Variants in PPP1R1B observed in about 807,000 individuals in gnomAD.
PPP1R1B encodes protein phosphatase 1 regulatory subunit 1B.
Under a neutral mutation model 28.2 loss-of-function variants are expected in PPP1R1B, and 13 were observed. The ratio of observed to expected loss-of-function variants is 0.46; its 90% CI spans 0.30 to 0.73. The LOEUF is 0.73. Among genes scored for constraint, PPP1R1B ranks in the 30% least tolerant of loss-of-function variants. PPP1R1B has a pLI of 0.07. For missense variants in PPP1R1B, 236 were observed against 256.7 expected (o/e 0.92, Z 0.55); for synonymous variants, 102 against 97.5 (o/e 1.05, Z -0.27).
Position 39,627,093 on chromosome 17 carries a change from C to T in PPP1R1B, c.-300C>T. The T allele has an allele frequency of 2.5e-6, 1 of 407,144 alleles. No homozygotes were observed. Among genetic ancestry groups the T allele is most frequent in the Non-Finnish European group, 4.4e-6 (1 of 229,318 alleles). 25.2% of individuals were successfully genotyped at this position (407,144 alleles called of 1,614,324 possible). On this transcript the variant is annotated 5_prime_UTR_variant, in exon 1 of 7. Coordinates refer to ENST00000254079, the MANE Select transcript of PPP1R1B (RefSeq NM_032192.4). ...GCAGAGACACTCAGGAGGGGAGAGA[C>T]ACCGAGACGCAGAGACACCCAGGCC...
intron 1 of PPP1R1B, chr17:39,628,518 T>C: frequency 1.0e-6 from 1 of 985,550 alleles, no homozygotes; most frequent in South Asian, 4.7e-5. Context: ...TCACAAGGAC[T>C]GGGTGAAGAG....
At position 39,633,967 on chromosome 17, in the gene PPP1R1B, G is replaced by GTTATCCAA. The variant is rs1344810303; in HGVS notation, c.326_327insTTATCCAA (p.Glu110TyrfsTer36). ...GCCTCAGAGGAGGAGGATGAGCTGG[G>GTTATCCAA]GGAGCTTCGGGAGCTGGGTTATCCA... is the stretch of plus-strand genomic sequence containing the variant. On this transcript the variant is annotated frameshift_variant, in exon 5 of 7. Transcript: ENST00000254079. LOFTEE classifies it high-confidence loss of function. 1 of 1,613,798 alleles carries GTTATCCAA rather than the reference G, an allele frequency of 6.2e-7. No homozygotes were observed. The highest frequency in any genetic ancestry group is 8.5e-7 in the Non-Finnish European group (1 of 1,179,920).
In PPP1R1B at chr17:39,633,954, G is replaced by A. The variant is rs747247652; in HGVS notation, c.313G>A (p.Glu105Lys). The change falls in exon 5 of 7, where the codon GAG becomes AAG. Residue 105 changes from glutamate (E) to lysine (K), a missense_variant. Transcript: ENST00000254079. ...NLNENQASEE[E>K]DELGELRELG... ...GAATGAGAACCAGGCCTCAGAGGAG[G>A]AGGATGAGCTGGGGGAGCTTCGGGA... 3.1e-6 allele frequency: 5 copies of A among 1,613,846 alleles called. No individual in the cohort carries two copies. The highest frequency in any genetic ancestry group is 1.1e-5 in the South Asian group (1 of 91,082).
In PPP1R1B at chr17:39,636,118, T is replaced by A. The variant is rs766190482; in HGVS notation, c.*253T>A. The A allele has an allele frequency of 2.2e-5, 12 of 545,120 alleles. No homozygotes were observed. Among genetic ancestry groups the A allele is most frequent in the Non-Finnish European group, 3.6e-5 (11 of 303,216 alleles). The allele number at this position is 545,120 out of a possible 1,614,324, so 33.8% of individuals were successfully genotyped here. Reference sequence around the variant, plus strand: ...TCCATTCACCCAGCGGGAGGTGGGATGTGAGACAGCCCACATTGGAAAATC... The same window carrying A: ...TCCATTCACCCAGCGGGAGGTGGGAAGTGAGACAGCCCACATTGGAAAATC... On this transcript the variant is annotated 3_prime_UTR_variant, in exon 7 of 7. Coordinates refer to ENST00000254079, the MANE Select transcript of PPP1R1B (RefSeq NM_032192.4).
At chr17:39,629,348 T>C in intron 2 of PPP1R1B, 118 bp downstream of exon 2, 1 of 1,296,920 alleles carries the variant, frequency 7.7e-7, no homozygotes, top group Non-Finnish European at 1.1e-6. Context: ...GTGGATAAGG[T>C]CTGGGAACCC....
At chr17:39,630,663 C>T (rs114974040) in intron 4 of PPP1R1B, among the ~76,000 whole-genome samples, 214 of 152,334 alleles carry the variant, frequency 1.4e-3, no homozygotes, top group African/African-American at 5.0e-3. Flanking sequence ...GTGGCTCACA[C>T]CTGAAATCCC....
At chr17:39,629,815 C>T (rs535384675) in intron 3 of PPP1R1B, 157 bp from the exon 4 acceptor site, 24 of 904,816 alleles carry the variant, frequency 2.7e-5, no homozygotes, top group Non-Finnish European at 3.6e-5. Flanking sequence ...GGGGGCCCCC[C>T]CTAAAGCCAC....
intron 1 of PPP1R1B, among the ~76,000 whole-genome samples, chr17:39,627,846 C>G (rs750065710): frequency 9.9e-5 from 15 of 152,174 alleles, no homozygotes; most frequent in Non-Finnish European, 1.0e-4. Context: ...CCGCCTGGCT[C>G]TGTCCCAGAG....
chr17:39,628,988 G>A (rs1359659004), intron 1 of PPP1R1B, among the ~76,000 whole-genome samples, 182 bp from the exon 2 acceptor site: 5 of 152,190 alleles, frequency 3.3e-5, no homozygotes. Flanking sequence ...ATCTCTCTGA[G>A]CCCTGCTTTT....
At chr17:39,631,072 GA>G (rs796937092) in intron 4 of PPP1R1B, among the ~76,000 whole-genome samples, 2,784 of 139,108 alleles carry the variant, frequency 0.02, 90 homozygotes, top group African/African-American at 0.065. Flanking sequence ...TCTGTCTCAA[GA>G]AAAAAAAAAA....
At chr17:39,632,897 CT>C (rs1280462115) in intron 4 of PPP1R1B, 9 of 151,124 alleles carry the variant, frequency 6.0e-5, no homozygotes, top group Admixed American at 5.2e-4. Context: ...CAAGAAGGAA[CT>C]GCAGCAACTC....
chr17:39,628,865 T>C lies in PPP1R1B; in HGVS notation c.82-305T>C, dbSNP rs2056855269. On this transcript the variant is annotated intron_variant, in intron 1 of 6. Transcript: ENST00000254079. ...TGGTGGGAGAAGATAGGAAGGGAGA[T>C]GTCTGTTCTGGAGTAGCCATGGAGT... 5.3e-5 allele frequency among the ~76,000 whole-genome samples: 8 copies of C among 152,274 alleles called. No individual in the cohort carries two copies. The South Asian group carries it at 1.7e-3, about 32-fold the overall frequency.
chr17:39,627,923 C>T (rs1038983324), intron 1 of PPP1R1B, among the ~76,000 whole-genome samples: 7 of 152,226 alleles, frequency 4.6e-5, no homozygotes, highest in Admixed American at 1.3e-4. Flanking sequence ...AGGCTGCCAC[C>T]GGGTGAATCC....
intron 2 of PPP1R1B, 41 bp from the exon 3 acceptor site, chr17:39,629,499 C>T (rs754907182): frequency 1.4e-5 from 22 of 1,612,748 alleles, no homozygotes; most frequent in South Asian, 1.3e-4. Flanking sequence ...TTTTCCTCCT[C>T]GCTTGGTTCT....
At chr17:39,630,459 A>G in intron 4 of PPP1R1B, 1 of 223,380 alleles carries the variant, frequency 4.5e-6, no homozygotes, top group South Asian at 7.3e-5. Flanking sequence ...ATTTGCACAG[A>G]TCTGCACACT....
intron 4 of PPP1R1B, 34 bp downstream of exon 4, chr17:39,630,081 G>T: frequency 6.3e-7 from 1 of 1,596,832 alleles, no homozygotes; most frequent in African/African-American, 1.3e-5. Context: ...CTGGCTGTCC[G>T]CCTGATCCCT....
rs761020710 is a variant in PPP1R1B at position 39,635,911 on chromosome 17, G to T, written c.*46G>T. The T allele has an allele frequency of 2.2e-5, 35 of 1,601,034 alleles. No individual in the cohort carries two copies. Among genetic ancestry groups the T allele is most frequent in the Non-Finnish European group, 3.0e-5 (35 of 1,173,358 alleles). ...AGGAGGAAGTGGAGGGGACATCGCT[G>T]TTCCCCAGAAACCCACTCTATCCTC... is the stretch of plus-strand genomic sequence containing the variant. On this transcript the variant is annotated 3_prime_UTR_variant, in exon 7 of 7. Transcript: ENST00000254079.
intron 3 of PPP1R1B, 75 bp from the exon 4 acceptor site, chr17:39,629,897 G>T: frequency 7.0e-7 from 1 of 1,427,736 alleles, no homozygotes; most frequent in South Asian, 1.1e-5. Flanking sequence ...GGTGGCCATG[G>T]GTGGGATGGA....
chr17:39,629,176 C>A lies in PPP1R1B; in HGVS notation c.88C>A (p.Arg30Ser). 1.2e-6 allele frequency: 2 copies of A among 1,613,416 alleles called. No homozygotes were observed. Among genetic ancestry groups the A allele is most frequent in the South Asian group, 1.1e-5 (1 of 91,072 alleles). ...LDPRQVEMIR[R>S]RRPTPAMLFR... Reference sequence around the variant, plus strand: ...CCTCCCTCCATCTCCTTAGATCCGGCGCAGGAGACCAACGCCTGCCATGCT... The same window carrying A: ...CCTCCCTCCATCTCCTTAGATCCGGAGCAGGAGACCAACGCCTGCCATGCT... The change falls in exon 2 of 7, where the codon CGC becomes AGC. Residue 30 changes from arginine (R) to serine (S), a missense_variant. Arg to Ser is a moderately radical substitution (Grantham distance 110). Transcript: ENST00000254079.
Sources: gnomAD v4.1 joint callset for allele counts (sites outside exome capture counted in the v4.1 genomes callset) on GRCh38, gnomAD v4.1.1 for gene constraint, MANE v1.5 for transcripts, NCBI Gene and HGNC (gene_info 2026-07-23, HGNC 2026-07-21) for gene names.